CNTNAP2: variants seen among roughly 807,000 people sequenced by gnomAD.
CNTNAP2 encodes contactin associated protein 2, also known as contactin-associated protein-like 2.
CNTNAP2 carries 98 observed loss-of-function variants against 155.2 expected under a neutral mutation model. The ratio of observed to expected loss-of-function variants is 0.63; its 90% CI spans 0.54 to 0.75. The LOEUF (loss-of-function observed/expected upper bound fraction) is 0.75, where lower values mean the gene tolerates loss of function less well. CNTNAP2 is among the 30% of genes least tolerant of loss of function. The probability of loss-of-function intolerance (pLI) is 0.00; values close to 1 mark genes in which losing one functional copy is unlikely to be tolerated. For synonymous variants in CNTNAP2, 651 were observed against 631.2 expected (o/e 1.03, Z -0.47); for missense variants, 1,727 against 1,688.1 (o/e 1.02, Z -0.40).
At chr7:147,199,954 G>C (rs60245382) in intron 8 of CNTNAP2, among the ~76,000 whole-genome samples, 5 of 152,022 alleles carry the variant, frequency 3.3e-5, no homozygotes, top group Admixed American at 2.0e-4. Flanking sequence ...CATGCTAATA[G>C]GGCTGCTTTA....
chr7:146,133,098 T>C lies in CNTNAP2; in HGVS notation c.97+16125T>C, dbSNP rs566994865. Among the ~76,000 whole-genome samples, 765 of 149,458 alleles carry C rather than the reference T, an allele frequency of 5.1e-3. 9 individuals are homozygous for C. Among genetic ancestry groups the C allele is most frequent in the African/African-American group, 0.018 (715 of 39,474 alleles). ...TGTTGTTTCCTGACTTTTTAATGAT[T>C]GCCATTCTAACTGGTGTGAGATGGT... On this transcript the variant is annotated intron_variant, in intron 1 of 23. Coordinates refer to ENST00000361727, the MANE Select transcript of CNTNAP2 (RefSeq NM_014141.6).
chr7:147,794,486 C>T (rs1165970247), intron 13 of CNTNAP2, among the ~76,000 whole-genome samples: 2 of 151,908 alleles, frequency 1.3e-5, no homozygotes, highest in African/African-American at 2.4e-5. Flanking sequence ...CAATCTTATA[C>T]ATTCATTTTA....
chr7:146,633,371 A>G (rs930340370), intron 1 of CNTNAP2, among the ~76,000 whole-genome samples: 2 of 152,196 alleles, frequency 1.3e-5, no homozygotes, highest in African/African-American at 2.4e-5. Flanking sequence ...ATCTGGAAAG[A>G]GGTACCATTC....
At chr7:147,632,494 C>T (rs28896829) in intron 12 of CNTNAP2, among the ~76,000 whole-genome samples, 13,673 of 152,206 alleles carry the variant, frequency 0.09, 1,708 homozygotes, top group African/African-American at 0.26. Flanking sequence ...CTCATTCTCT[C>T]TTGCTGCCCT....
intron 9 of CNTNAP2, among the ~76,000 whole-genome samples, chr7:147,336,316 T>G (rs1795664012): frequency 6.6e-6 from 1 of 152,160 alleles, no homozygotes; most frequent in Admixed American, 6.6e-5. Flanking sequence ...CTTAGAGTTT[T>G]GCTGCTTGAT....
chr7:148,042,738 C>T (rs1315440416), intron 15 of CNTNAP2, among the ~76,000 whole-genome samples: 1 of 152,194 alleles, frequency 6.6e-6, no homozygotes, highest in Non-Finnish European at 1.5e-5. Context: ...CGCTGTTTAC[C>T]TCGTCCCTCT....
At chr7:148,130,495 T>C (rs1306458471) in intron 16 of CNTNAP2, among the ~76,000 whole-genome samples, 1 of 152,230 alleles carries the variant, frequency 6.6e-6, no homozygotes, top group Non-Finnish European at 1.5e-5. Flanking sequence ...CCCTCCCTAG[T>C]GAGGCCAAAT....
rs903350 is a variant in CNTNAP2, at chr7:146,683,534, G to T, written c.98-90737G>T. Among the ~76,000 whole-genome samples the T allele has an allele frequency of 0.085, 13,004 of 152,230 alleles. 1,939 individuals carry two copies. The highest frequency in any genetic ancestry group is 0.3 in the African/African-American group (12,357 of 41,484). ...CCACAAGAGACATTGGAAATTCTGT[G>T]TGTCATACCGGACATTAATTATATT... On this transcript the variant is annotated intron_variant, in intron 1 of 23. Coordinates refer to ENST00000361727, the MANE Select transcript of CNTNAP2 (RefSeq NM_014141.6).
chr7:146,861,375 T>C (rs1795096462), intron 3 of CNTNAP2, among the ~76,000 whole-genome samples: 1 of 152,166 alleles, frequency 6.6e-6, no homozygotes, highest in African/African-American at 2.4e-5. Context: ...GAACACATTT[T>C]AAAATTTTTA....
At chr7:146,816,275 G>A (rs1803167983) in intron 2 of CNTNAP2, among the ~76,000 whole-genome samples, 1 of 152,136 alleles carries the variant, frequency 6.6e-6, no homozygotes, top group Non-Finnish European at 1.5e-5. Context: ...AGTCACAGAT[G>A]CATCATTATG....
chr7:147,937,713 A>G (rs1434592710), intron 14 of CNTNAP2, among the ~76,000 whole-genome samples: 4 of 152,142 alleles, frequency 2.6e-5, no homozygotes, highest in Non-Finnish European at 5.9e-5. Context: ...TGTCACTCAC[A>G]ATTCCCTGGA....
chr7:146,699,995 C>G (rs1411826564), intron 1 of CNTNAP2, among the ~76,000 whole-genome samples: 2 of 151,968 alleles, frequency 1.3e-5, no homozygotes, highest in Non-Finnish European at 2.9e-5. Context: ...AGGAAATATT[C>G]AGGGGGTATT....
At chr7:147,655,204 C>T (rs1795507587) in intron 13 of CNTNAP2, among the ~76,000 whole-genome samples, 1 of 152,058 alleles carries the variant, frequency 6.6e-6, no homozygotes, top group Non-Finnish European at 1.5e-5. Context: ...CTCACTGCAT[C>T]CTCCGCCTCC....
At chr7:148,072,162 C>T (rs1352368378) in intron 15 of CNTNAP2, among the ~76,000 whole-genome samples, 1 of 152,124 alleles carries the variant, frequency 6.6e-6, no homozygotes, top group Non-Finnish European at 1.5e-5. Flanking sequence ...ACCTTTACCC[C>T]TGAGTTCAGA....
chr7:146,803,006 A>G (rs1802907362), intron 2 of CNTNAP2, among the ~76,000 whole-genome samples: 2 of 152,160 alleles, frequency 1.3e-5, no homozygotes, highest in Admixed American at 6.6e-5. Context: ...AAAGTGAAAA[A>G]TCTGAGATCT....
intron 20 of CNTNAP2, among the ~76,000 whole-genome samples, chr7:148,251,165 G>A (rs1355757301): frequency 1.3e-5 from 2 of 152,152 alleles, no homozygotes; most frequent in Non-Finnish European, 2.9e-5. Context: ...GCAAGCCCAG[G>A]GGTCTCCAGG....
At chr7:147,927,888 T>C (rs17170749) in intron 14 of CNTNAP2, among the ~76,000 whole-genome samples, 38,748 of 151,996 alleles carry the variant, frequency 0.25, 5,614 homozygotes, top group East Asian at 0.56. Context: ...TACCTACCGA[T>C]TATCAATTAA....
At chr7:147,629,421 TAA>T (rs1023175869) in intron 12 of CNTNAP2, among the ~76,000 whole-genome samples, 7 of 144,872 alleles carry the variant, frequency 4.8e-5, no homozygotes, top group African/African-American at 1.5e-4. Flanking sequence ...ATAATAATAA[TAA>T]TAATAATAAT....
intron 21 of CNTNAP2, among the ~76,000 whole-genome samples, chr7:148,274,784 G>C (rs970017281): frequency 6.6e-6 from 1 of 152,136 alleles, no homozygotes; most frequent in Non-Finnish European, 1.5e-5. Context: ...TTTCTTTATA[G>C]CAGTGCAAGA....
Sources: allele counts gnomAD v4.1 joint callset (sites outside exome capture counted in the v4.1 genomes callset), GRCh38; gene constraint gnomAD v4.1.1; transcripts MANE v1.5; gene names NCBI Gene and HGNC (gene_info 2026-07-23, HGNC 2026-07-21).